NEK1: variants seen among roughly 807,000 people sequenced by gnomAD.
The protein encoded by NEK1 is NIMA related kinase 1.
A neutral mutation model predicts 182.1 loss-of-function variants in NEK1; 137 were observed. That is an observed-to-expected ratio of 0.75 (90% confidence interval 0.65 to 0.87). The LOEUF (loss-of-function observed/expected upper bound fraction) is 0.87, where lower values mean the gene tolerates loss of function less well. Among genes scored for constraint, NEK1 ranks in the 40% least tolerant of loss-of-function variants. NEK1 has a pLI of 0.00. For missense variants in NEK1, 1,391 were observed against 1,494.4 expected (o/e 0.93, Z 1.14); for synonymous variants, 513 against 492.2 (o/e 1.04, Z -0.56).
At chr4:169,554,769 G>T (rs1300879273) in intron 18 of NEK1, 1 of 152,144 alleles carries the variant, frequency 6.6e-6, no homozygotes. Flanking sequence ...AAAAGCCATG[G>T]AGTGTACAAT....
chr4:169,430,259 C>T (rs550448821), intron 29 of NEK1, among the ~76,000 whole-genome samples: 35 of 152,146 alleles, frequency 2.3e-4, no homozygotes, highest in African/African-American at 8.4e-4. Flanking sequence ...CTTGGCTCAC[C>T]GCAACCTCTA....
At chr4:169,424,941 G>T in intron 30 of NEK1, 141 bp from the exon 31 acceptor site, 1 of 689,556 alleles carries the variant, frequency 1.5e-6, no homozygotes, top group Non-Finnish European at 2.3e-6. Flanking sequence ...ATGTGTGTCA[G>T]TATATTACCT....
rs199947197 is a variant in NEK1, at chr4:169,424,668, G to C, written c.3107C>G (p.Ser1036Ter). 336 of 1,613,606 alleles carry C rather than the reference G, an allele frequency of 2.1e-4. No homozygotes were observed. Among genetic ancestry groups the C allele is most frequent in the Non-Finnish European group, 2.8e-4 (327 of 1,179,758 alleles). Residue 1036 changes from serine (S) to a stop codon, truncating the protein, a stop_gained, in exon 31 of 36, where the codon TCA (serine) becomes TGA (stop). Coordinates refer to ENST00000507142, the MANE Select transcript of NEK1 (RefSeq NM_001199397.3). LOFTEE classifies it high-confidence loss of function. Reference protein sequence around the residue: ...LVPQVQSVQCSPEESFAFRSH... With the variant: ...LVPQVQSVQC ...TCGAAATGCAAAGGATTCTTCTGGT[G>C]AACACTGAACTGATTGAACTTGAGG...
At chr4:169,573,638 G>A (rs1165961461) in intron 12 of NEK1, among the ~76,000 whole-genome samples, 1 of 150,928 alleles carries the variant, frequency 6.6e-6, no homozygotes, top group Non-Finnish European at 1.5e-5. Context: ...ACAAAGAGGG[G>A]GAATAAAGGA....
chr4:169,418,040 T>G (rs998878753), intron 31 of NEK1, among the ~76,000 whole-genome samples: 1 of 152,210 alleles, frequency 6.6e-6, no homozygotes, highest in Non-Finnish European at 1.5e-5. Flanking sequence ...AGAATGAAAC[T>G]TCACAAAGCT....
rs747009789 is a variant in NEK1, at chr4:169,400,279, G to A, written c.3793C>T (p.His1265Tyr). Residue 1265 changes from histidine (H) to tyrosine (Y), a missense_variant, in exon 35 of 36, where the codon CAT (histidine) becomes TAT (tyrosine). Physicochemically the swap from His to Tyr is moderately conservative, Grantham distance 83 (BLOSUM62 2). Around this residue, in one of 5 missense-constraint regions of NEK1, gnomAD observed 1,216 missense variants for 1,277.6 expected, o/e 0.95. Coordinates refer to ENST00000507142, the MANE Select transcript of NEK1 (RefSeq NM_001199397.3). ...AAATGAAGAATCTTGGCATAAAGAT[G>A]CTGATGTTCATTTCCCAAAATATTT... The part of the protein sequence containing the change: ...VQNILGNEHQ[H>Y]LYAKILHLVM... 46 of 1,568,352 alleles carry A rather than the reference G, an allele frequency of 2.9e-5. No homozygotes were observed. Among genetic ancestry groups the A allele is most frequent in the Middle Eastern group, 1.7e-4 (1 of 5,950 alleles).
intron 18 of NEK1, among the ~76,000 whole-genome samples, chr4:169,540,721 T>C (rs989197512): frequency 1.2e-4 from 18 of 152,018 alleles, no homozygotes; most frequent in African/African-American, 3.4e-4. Context: ...AATGCAAATA[T>C]AGTAAGAAAT....
intron 27 of NEK1, among the ~76,000 whole-genome samples, chr4:169,445,205 G>A (rs1274977331): frequency 6.6e-6 from 1 of 152,074 alleles, no homozygotes; most frequent in South Asian, 2.1e-4. Flanking sequence ...GAATCCTTGA[G>A]GCCAGGAGTT....
intron 12 of NEK1, among the ~76,000 whole-genome samples, chr4:169,575,890 C>G (rs931345584): frequency 5.3e-5 from 8 of 151,984 alleles, no homozygotes; most frequent in Non-Finnish European, 1.2e-4. Flanking sequence ...CTTCCTGTAT[C>G]TGCTATTACT....
intron 12 of NEK1, among the ~76,000 whole-genome samples, chr4:169,570,698 C>G: frequency 6.6e-6 from 1 of 152,118 alleles, no homozygotes; most frequent in Non-Finnish European, 1.5e-5. Context: ...TCATTGAGAA[C>G]CAGCTATGAT....
At chr4:169,558,836 T>C (rs2149927075) in intron 16 of NEK1, among the ~76,000 whole-genome samples, 1 of 152,320 alleles carries the variant, frequency 6.6e-6, no homozygotes, top group South Asian at 2.1e-4. Flanking sequence ...TGCCTCTTAT[T>C]TAGAAGTACG....
chr4:169,450,392 T>C (rs1396805237), intron 27 of NEK1, among the ~76,000 whole-genome samples: 2 of 151,672 alleles, frequency 1.3e-5, no homozygotes, highest in African/African-American at 4.8e-5. Flanking sequence ...TTCACCAAGG[T>C]TGAAATGAAG....
rs529393306 is a variant in NEK1, at chr4:169,568,332, A to G, written c.1021-6136T>C. Among the ~76,000 whole-genome samples, 8 of 152,380 alleles carry G rather than the reference A, an allele frequency of 5.3e-5. No individual in the cohort carries two copies. In the South Asian group the frequency reaches 1.7e-3, roughly 32 times the overall value. ...AATGGATTACATTTGTAAACCATTT[A>G]GAATAAATAAGCATCTTAAAAATGG... On this transcript the variant is annotated intron_variant, in intron 12 of 35. Coordinates refer to ENST00000507142, the MANE Select transcript of NEK1 (RefSeq NM_001199397.3).
intron 2 of NEK1, among the ~76,000 whole-genome samples, chr4:169,608,938 G>A (rs577085715): frequency 6.6e-6 from 1 of 151,802 alleles, no homozygotes; most frequent in African/African-American, 2.4e-5. Context: ...GTGCAGGCCT[G>A]TAATCCCAGC....
rs141905798 is a variant in NEK1 at position 169,528,457 on chromosome 4, T to C, written c.1665+9352A>G. ...AATTCTCTCACTAACATGAAAGAGC[T>C]TGGAAATAAATTTTTCCTCAAATGA... On this transcript the variant is annotated intron_variant, in intron 19 of 35. Transcript: ENST00000507142. 5.9e-5 allele frequency among the ~76,000 whole-genome samples: 9 copies of C among 152,290 alleles called. No individual in the cohort carries two copies. The East Asian group carries it at 1.7e-3, about 29-fold the overall frequency.
chr4:169,397,719 A>C (rs1730962528), intron 35 of NEK1, among the ~76,000 whole-genome samples: 1 of 152,104 alleles, frequency 6.6e-6, no homozygotes. Flanking sequence ...GGTCCTTTGC[A>C]GGGGAAATGG....
At chr4:169,459,467 T>C (rs1464876060) in intron 27 of NEK1, among the ~76,000 whole-genome samples, 1 of 152,206 alleles carries the variant, frequency 6.6e-6, no homozygotes, top group Non-Finnish European at 1.5e-5. Flanking sequence ...GGGAGACTGG[T>C]GGTTTCTTAC....
At position 169,580,915 on chromosome 4, in the gene NEK1, G is replaced by A; in HGVS notation, c.808-13C>T. 4.1e-6 allele frequency: 6 copies of A among 1,448,968 alleles called. No homozygotes were observed. The highest frequency in any genetic ancestry group is 3.7e-6 in the Non-Finnish European group (4 of 1,073,214). 89.8% of individuals were successfully genotyped at this position (1,448,968 alleles called of 1,614,324 possible). On this transcript the variant is annotated splice_polypyrimidine_tract_variant and intron_variant, in intron 10 of 35. Coordinates refer to ENST00000507142, the MANE Select transcript of NEK1 (RefSeq NM_001199397.3). ...CTTCTGCAATAAGCTGAGATTGAAAGAGAAAAAAATTAGAAAAGATGTTAC... is the reference window on the plus strand; with the variant it reads ...CTTCTGCAATAAGCTGAGATTGAAAAAGAAAAAAATTAGAAAAGATGTTAC...
At chr4:169,406,063 C>T (rs1250299675) in intron 32 of NEK1, among the ~76,000 whole-genome samples, 1 of 152,156 alleles carries the variant, frequency 6.6e-6, no homozygotes, top group Non-Finnish European at 1.5e-5. Flanking sequence ...TGCCACTGCA[C>T]TCCAGCCTGG....
Sources: gnomAD v4.1 joint callset for allele counts (sites outside exome capture counted in the v4.1 genomes callset) on GRCh38, gnomAD v4.1.1 for gene constraint, gnomAD v4.1.1 regional missense constraint, MANE v1.5 for transcripts, NCBI Gene and HGNC (gene_info 2026-07-23, HGNC 2026-07-21) for gene names.